The following ZAP70 variants were observed in gnomAD, a reference collection of about 807,000 sequenced individuals.
ZAP70 encodes the protein tyrosine-protein kinase ZAP-70.
Under a neutral mutation model 65.8 loss-of-function variants are expected in ZAP70, and 27 were observed. The ratio of observed to expected loss-of-function variants is 0.41; its 90% CI spans 0.30 to 0.57. The LOEUF (loss-of-function observed/expected upper bound fraction) is 0.57. Ranked by LOEUF, ZAP70 falls within the 20% of genes least tolerant of loss-of-function variation. The probability of loss-of-function intolerance (pLI) is 0.28; values close to 1 mark genes in which losing one functional copy is unlikely to be tolerated. For missense variants in ZAP70, 696 were observed against 870.5 expected (o/e 0.80, Z 2.52); for synonymous variants, 363 against 360.8 (o/e 1.01, Z -0.07).
the ZAP70 span, among the ~76,000 whole-genome samples, chr2:97,750,388 G>A: frequency 6.6e-6 from 1 of 152,204 alleles, no homozygotes; most frequent in African/African-American, 2.4e-5. Flanking sequence ...TGGGTCTATG[G>A]AGTCAGGGGT....
chr2:97,716,009 T>C (rs992848644), intron 2 of ZAP70, among the ~76,000 whole-genome samples: 7 of 151,966 alleles, frequency 4.6e-5, no homozygotes, highest in African/African-American at 9.7e-5. Context: ...GGCTGTGATG[T>C]GGGAGGATGG....
intron 2 of ZAP70, among the ~76,000 whole-genome samples, 154 bp from the exon 3 acceptor site, chr2:97,723,862 G>A (rs914111935): frequency 6.6e-6 from 1 of 152,252 alleles, no homozygotes. Flanking sequence ...CTTCTCTCCA[G>A]GTTGACTCTG....
At chr2:97,725,897 A>G (rs1677370008) in intron 4 of ZAP70, among the ~76,000 whole-genome samples, 1 of 152,160 alleles carries the variant, frequency 6.6e-6, no homozygotes, top group Non-Finnish European at 1.5e-5. Context: ...GGCGTGTTCC[A>G]GAAACATTGT....
At chr2:97,751,543 T>G in the ZAP70 span, among the ~76,000 whole-genome samples, 1 of 152,232 alleles carries the variant, frequency 6.6e-6, no homozygotes, top group African/African-American at 2.4e-5. Flanking sequence ...GTTCTGTTTT[T>G]CTAGAGGACT....
intron 8 of ZAP70, chr2:97,734,186 T>C (rs1312968201): frequency 1.2e-5 from 5 of 405,694 alleles, no homozygotes; most frequent in African/African-American, 8.0e-5. Context: ...GTGTGCTGCA[T>C]ACGCAGACAG....
At chr2:97,720,659 G>C (rs897050110) in intron 2 of ZAP70, among the ~76,000 whole-genome samples, 5 of 152,154 alleles carry the variant, frequency 3.3e-5, no homozygotes, top group Non-Finnish European at 5.9e-5. Context: ...GCCGCTTCAT[G>C]ACTTTTTAAA....
In ZAP70 at chr2:97,729,045, G is replaced by A. The variant is rs377299746; in HGVS notation, c.563+3793G>A. On this transcript the variant is annotated intron_variant, in intron 4 of 13. Coordinates refer to ENST00000264972, the MANE Select transcript of ZAP70 (RefSeq NM_001079.4). Reference sequence around the variant, plus strand: ...TGGGATCACAGGCGTGAGCCACCGCGCCTGGCCTGTCAAGTGTTTCTTATC... The same window carrying A: ...TGGGATCACAGGCGTGAGCCACCGCACCTGGCCTGTCAAGTGTTTCTTATC... Among the ~76,000 whole-genome samples the A allele has an allele frequency of 4.6e-5, 7 of 152,292 alleles. No individual in the cohort carries two copies. In the East Asian group the frequency reaches 5.8e-4, roughly 13 times the overall value.
chr2:97,752,911 A>G, the ZAP70 span, among the ~76,000 whole-genome samples: 1 of 152,368 alleles, frequency 6.6e-6, no homozygotes, highest in Admixed American at 6.5e-5. Flanking sequence ...ATTTTGAAAT[A>G]GGAACAAGTA....
At chr2:97,716,414 A>G (rs1676917769) in intron 2 of ZAP70, among the ~76,000 whole-genome samples, 1 of 152,234 alleles carries the variant, frequency 6.6e-6, no homozygotes, top group African/African-American at 2.4e-5. Flanking sequence ...ACATTCTGGC[A>G]GGGACAAAGG....
the ZAP70 span, among the ~76,000 whole-genome samples, chr2:97,749,016 T>TC: frequency 6.8e-6 from 1 of 146,010 alleles, no homozygotes; most frequent in African/African-American, 2.5e-5. Context: ...TTTTTTTTTT[T>TC]TTTTTTTTTT....
chr2:97,720,604 G>A (rs1677120751), intron 2 of ZAP70, among the ~76,000 whole-genome samples: 1 of 152,200 alleles, frequency 6.6e-6, no homozygotes, highest in Non-Finnish European at 1.5e-5. Flanking sequence ...CACCCGCCTT[G>A]ATCTCCCAAA....
chr2:97,734,891 G>C (rs1677790582), intron 9 of ZAP70, 179 bp downstream of exon 9: 12 of 865,056 alleles, frequency 1.4e-5, no homozygotes, highest in South Asian at 3.3e-5. Flanking sequence ...ACACCTGACG[G>C]GGGTGGGATG....
Position 97,732,868 on chromosome 2 carries a change from C to T in ZAP70, c.564-15C>T. ...GGTGGCTCTAGGGGTTACATCCCCTCCCTTCCCCTGCCAGGCTGAGGCCGC... is the reference window on the plus strand; with the variant it reads ...GGTGGCTCTAGGGGTTACATCCCCTTCCTTCCCCTGCCAGGCTGAGGCCGC... On this transcript the variant is annotated splice_polypyrimidine_tract_variant and intron_variant, in intron 4 of 13. Transcript: ENST00000264972. 6.2e-7 allele frequency: 1 copy of T among 1,613,764 alleles called. No individual in the cohort carries two copies. Among genetic ancestry groups the T allele is most frequent in the Non-Finnish European group, 8.5e-7 (1 of 1,180,004 alleles).
chr2:97,741,209 C>T (rs1559331954), downstream of ZAP70, among the ~76,000 whole-genome samples: 1 of 152,200 alleles, frequency 6.6e-6, no homozygotes, highest in African/African-American at 2.4e-5. Flanking sequence ...GTCATGCAAG[C>T]CCCATCTCAG....
At chr2:97,735,505 T>C (rs1573285349) in intron 10 of ZAP70, 49 bp downstream of exon 10, 1 of 1,579,806 alleles carries the variant, frequency 6.3e-7, no homozygotes, top group Admixed American at 1.7e-5. Context: ...CCGGGGCCCA[T>C]CCTGGGCATG....
rs199993140 is a variant in ZAP70 at position 97,734,591 on chromosome 2, G to A, written c.961G>A (p.Asp321Asn). The A allele has an allele frequency of 6.2e-7, 1 of 1,614,082 alleles. No homozygotes were observed. Among genetic ancestry groups the A allele is most frequent in the Non-Finnish European group, 8.5e-7 (1 of 1,180,040 alleles). The part of the protein sequence containing the change: ...DTSVYESPYS[D>N]PEELKDKKLF... ...GAGCGTGTATGAGAGCCCCTACAGC[G>A]ACCCAGAGGAGCTCAAGGACAAGAA... is the stretch of plus-strand genomic sequence containing the variant. The change falls in exon 9 of 14, where the codon GAC becomes AAC. Residue 321 changes from aspartate to asparagine, a missense_variant. By Grantham distance (23) the Asp-to-Asn change is conservative. Coordinates refer to ENST00000264972, the MANE Select transcript of ZAP70 (RefSeq NM_001079.4).
At chr2:97,726,520 G>C (rs558991035) in intron 4 of ZAP70, among the ~76,000 whole-genome samples, 1 of 152,278 alleles carries the variant, frequency 6.6e-6, no homozygotes, top group Admixed American at 6.5e-5. Context: ...TGGGTCATCT[G>C]CCTCCCCCAG....
chr2:97,740,630 C>T (rs995353996), downstream of ZAP70, among the ~76,000 whole-genome samples: 3 of 152,124 alleles, frequency 2.0e-5, no homozygotes, highest in South Asian at 6.2e-4. Flanking sequence ...ACAGACCCAC[C>T]AGAGATGTCC....
At chr2:97,732,799 T>G in intron 4 of ZAP70, 84 bp from the exon 5 acceptor site, 4 of 1,579,580 alleles carry the variant, frequency 2.5e-6, no homozygotes, top group Non-Finnish European at 3.5e-6. Flanking sequence ...GTGGAGCCCA[T>G]AGGGTGTGTT....
Sources: gnomAD v4.1 joint callset for allele counts (sites outside exome capture counted in the v4.1 genomes callset) on GRCh38, gnomAD v4.1.1 for gene constraint, MANE v1.5 for transcripts, NCBI Gene and HGNC (gene_info 2026-07-23, HGNC 2026-07-21) for gene names.